SCIMP: variants seen among roughly 807,000 people sequenced by gnomAD.
SCIMP encodes the protein SLP adaptor and CSK interacting membrane protein.
SCIMP carries 18 observed loss-of-function variants against 22.0 expected under a neutral mutation model. The ratio of observed to expected loss-of-function variants is 0.82; its 90% CI spans 0.56 to 1.21. SCIMP has a LOEUF of 1.21. Among genes scored for constraint, SCIMP ranks in the 50% most tolerant of loss-of-function variants. The pLI is 0.00. For missense variants in SCIMP, 155 were observed against 171.2 expected (o/e 0.91, Z 0.53); for synonymous variants, 53 against 62.2 (o/e 0.85, Z 0.70).
intron 2 of SCIMP, among the ~76,000 whole-genome samples, chr17:5,221,952 T>G (rs924946748): frequency 1.7e-4 from 26 of 151,758 alleles, no homozygotes; most frequent in African/African-American, 6.0e-4. Context: ...TTTGTATTTT[T>G]AATAGAGATG....
intron 1 of SCIMP, among the ~76,000 whole-genome samples, chr17:5,234,213 G>A (rs980645617): frequency 6.6e-6 from 1 of 152,184 alleles, no homozygotes; most frequent in African/African-American, 2.4e-5. Context: ...GGTGGTTGCA[G>A]TGAGCCGAGA....
Position 5,215,051 on chromosome 17 carries a change from C to T in SCIMP, c.210-53G>A, listed in dbSNP as rs928713306. On this transcript the variant is annotated intron_variant, in intron 3 of 4. Transcript: ENST00000574081. ...GTGTTTGGTTTGGGCCATGCCTGCT[C>T]CCAGCCGATTTAAGAGAAAACATCA... 4.4e-5 allele frequency: 49 copies of T among 1,111,270 alleles called. No individual in the cohort carries two copies. The African/African-American group carries it at 6.2e-4, about 14-fold the overall frequency. The allele number at this position is 1,111,270 out of a possible 1,614,324, so 68.8% of individuals were successfully genotyped here.
intron 1 of SCIMP, among the ~76,000 whole-genome samples, chr17:5,234,367 TC>T (rs1567846054): frequency 7.0e-6 from 1 of 143,604 alleles, no homozygotes; most frequent in Non-Finnish European, 1.5e-5. Context: ...ACATAACAAG[TC>T]CCAAAACACA....
chr17:5,221,093 G>A (rs1202616144), intron 3 of SCIMP, 194 bp downstream of exon 3: 2 of 689,930 alleles, frequency 2.9e-6, no homozygotes, highest in Admixed American at 2.1e-5. Flanking sequence ...ATGAGAGGAG[G>A]GAGGACTTGC....
intron 1 of SCIMP, among the ~76,000 whole-genome samples, chr17:5,229,909 T>C (rs1435291240): frequency 6.9e-6 from 1 of 145,670 alleles, no homozygotes; most frequent in African/African-American, 2.5e-5. Flanking sequence ...TCTCCGGTCC[T>C]CTCCTCTCTC....
At chr17:5,232,006 A>G (rs1378907527) in intron 1 of SCIMP, among the ~76,000 whole-genome samples, 1 of 152,048 alleles carries the variant, frequency 6.6e-6, no homozygotes, top group Non-Finnish European at 1.5e-5. Context: ...CAGTGAGCCG[A>G]GATTGCGCCA....
rs961493446 is a variant in SCIMP at position 5,210,764 on chromosome 17, C to A, written c.*37G>T. 3 of 1,593,582 alleles carry A rather than the reference C, an allele frequency of 1.9e-6. No homozygotes were observed. The highest frequency in any genetic ancestry group is 2.6e-6 in the Non-Finnish European group (3 of 1,173,102). On this transcript the variant is annotated 3_prime_UTR_variant, in exon 5 of 5. Transcript: ENST00000574081. ...ATTGTTTTAAAATAAGTTGTGTGAACCCTCTTCAGTTTTGCCAAAAAGAAG... is the reference window on the plus strand; with the variant it reads ...ATTGTTTTAAAATAAGTTGTGTGAAACCTCTTCAGTTTTGCCAAAAAGAAG...
chr17:5,218,299 A>G (rs1355573406), intron 3 of SCIMP, among the ~76,000 whole-genome samples: 5 of 150,684 alleles, frequency 3.3e-5, no homozygotes, highest in Admixed American at 2.6e-4. Flanking sequence ...TGCTGGGATT[A>G]TAGGCATGAA....
chr17:5,228,453 G>A (rs1257470514), intron 1 of SCIMP, among the ~76,000 whole-genome samples: 4 of 151,904 alleles, frequency 2.6e-5, no homozygotes, highest in African/African-American at 9.7e-5. Flanking sequence ...CAACCAGCCT[G>A]GGCAACACAG....
At position 5,220,423 on chromosome 17, in the gene SCIMP, C is replaced by G. The variant is rs1309713564; in HGVS notation, c.209+864G>C. 2.1e-5 allele frequency among the ~76,000 whole-genome samples: 3 copies of G among 143,666 alleles called. No homozygotes were observed. The Admixed American group carries it at 2.1e-4, about 10-fold the overall frequency. The allele number at this position is 143,666 out of a possible 152,430, so 94.3% of individuals were successfully genotyped here. ...GAGCTGCCTGGGCAACATAGCAAGA[C>G]CCCATCTCCAAAAAAAAAAAAAAAA... On this transcript the variant is annotated intron_variant, in intron 3 of 4. Coordinates refer to ENST00000574081, the MANE Select transcript of SCIMP (RefSeq NM_207103.3).
At chr17:5,213,043 G>A (rs2144304419) in intron 4 of SCIMP, 1 of 525,384 alleles carries the variant, frequency 1.9e-6, no homozygotes, top group Non-Finnish European at 2.2e-6. Flanking sequence ...ACATCTGAAG[G>A]ATGAGGAAAA....
intron 1 of SCIMP, among the ~76,000 whole-genome samples, chr17:5,232,951 A>T (rs1162164009): frequency 6.6e-6 from 1 of 151,994 alleles, no homozygotes; most frequent in African/African-American, 2.4e-5. Flanking sequence ...ACCTCAAGTG[A>T]TCCACCTGCC....
At position 5,213,217 on chromosome 17, in the gene SCIMP, G is replaced by A. The variant is rs537052964; in HGVS notation, c.283+1708C>T. On this transcript the variant is annotated intron_variant, in intron 4 of 4. Coordinates refer to ENST00000574081, the MANE Select transcript of SCIMP (RefSeq NM_207103.3). ...TTACACCCTTATATCAGGCTATTGG[G>A]TGCGTCGGTACTTATGCTGCCCCCT... The A allele has an allele frequency of 2.0e-4, 201 of 984,246 alleles. 2 individuals are homozygous for A. In the African/African-American group the frequency reaches 3.3e-3, roughly 16 times the overall value. The allele number at this position is 984,246 out of a possible 1,614,324, so 61.0% of individuals were successfully genotyped here.
intron 1 of SCIMP, among the ~76,000 whole-genome samples, chr17:5,233,655 G>A (rs923817306): frequency 2.6e-5 from 4 of 152,138 alleles, no homozygotes; most frequent in Non-Finnish European, 5.9e-5. Context: ...AGAGGCGTGA[G>A]CCACCATGCC....
intron 2 of SCIMP, among the ~76,000 whole-genome samples, chr17:5,222,020 C>T (rs1275465396): frequency 2.0e-5 from 3 of 152,058 alleles, no homozygotes; most frequent in East Asian, 1.9e-4. Context: ...GTGATCCACC[C>T]GCCTCAGCCT....
At chr17:5,226,493 C>A (rs891272294) in intron 1 of SCIMP, among the ~76,000 whole-genome samples, 3 of 143,066 alleles carry the variant, frequency 2.1e-5, no homozygotes, top group African/African-American at 7.5e-5. Flanking sequence ...TTTTTCTTTT[C>A]TTTTTTCTTT....
intron 1 of SCIMP, among the ~76,000 whole-genome samples, chr17:5,229,022 G>A (rs1053663511): frequency 6.6e-6 from 1 of 152,168 alleles, no homozygotes; most frequent in Non-Finnish European, 1.5e-5. Context: ...ACGCGACCCT[G>A]GGCAGGCTCC....
At chr17:5,222,734 G>A (rs146855230) in intron 2 of SCIMP, among the ~76,000 whole-genome samples, 3 of 151,882 alleles carry the variant, frequency 2.0e-5, no homozygotes, top group East Asian at 3.9e-4. Context: ...GCACGATCTC[G>A]GCTCACTGCA....
At chr17:5,211,015 G>A (rs2074522680) in intron 4 of SCIMP, 60 bp from the exon 5 acceptor site, 4 of 1,550,062 alleles carry the variant, frequency 2.6e-6, no homozygotes, top group Admixed American at 2.2e-5. Context: ...TATTTTTGAA[G>A]GCAGTGGCTC....
Sources: gnomAD v4.1 joint callset for allele counts (sites outside exome capture counted in the v4.1 genomes callset) on GRCh38, gnomAD v4.1.1 for gene constraint, MANE v1.5 for transcripts, NCBI Gene and HGNC (gene_info 2026-07-23, HGNC 2026-07-21) for gene names.